The following HECW2 variants were observed in gnomAD, a reference collection of about 807,000 sequenced individuals.
HECW2 encodes the protein E3 ubiquitin-protein ligase HECW2.
A neutral mutation model predicts 175.2 loss-of-function variants in HECW2; 61 were observed. The ratio of observed to expected loss-of-function variants is 0.35; its 90% CI spans 0.28 to 0.43. The LOEUF (loss-of-function observed/expected upper bound fraction) is 0.43, where lower values mean the gene tolerates loss of function less well. Among genes scored for constraint, HECW2 ranks in the 20% least tolerant of loss-of-function variants. The probability of loss-of-function intolerance (pLI) is 1.00; values close to 1 mark genes in which losing one functional copy is unlikely to be tolerated. For synonymous variants in HECW2, 671 were observed against 731.0 expected (o/e 0.92, Z 1.32); for missense variants, 1,524 against 2,000.5 (o/e 0.76, Z 4.54).
chr2:196,464,573 AAAC>A (rs1696873947), intron 1 of HECW2, among the ~76,000 whole-genome samples: 1 of 152,228 alleles, frequency 6.6e-6, no homozygotes, highest in South Asian at 2.1e-4. Flanking sequence ...AGGATTTTAC[AAAC>A]AAGAGGCAAA....
At chr2:196,592,764 G>A (rs1376327218) in intron 1 of HECW2, 4 of 151,958 alleles carry the variant, frequency 2.6e-5, no homozygotes, top group African/African-American at 9.7e-5. Context: ...CGAGGGCCGC[G>A]CGCTCACCTG....
chr2:196,443,795 C>T (rs751933878), intron 1 of HECW2, among the ~76,000 whole-genome samples: 18 of 152,166 alleles, frequency 1.2e-4, no homozygotes, highest in Non-Finnish European at 2.5e-4. Flanking sequence ...TTTGGGAGGC[C>T]GAGGTGGGCA....
intron 1 of HECW2, among the ~76,000 whole-genome samples, chr2:196,544,510 A>T: frequency 6.6e-6 from 1 of 152,260 alleles, no homozygotes; most frequent in Non-Finnish European, 1.5e-5. Flanking sequence ...GTTGGGGGGC[A>T]CTGGAAGGTC....
intron 1 of HECW2, among the ~76,000 whole-genome samples, chr2:196,490,034 C>A (rs1687132003): frequency 6.6e-6 from 1 of 152,190 alleles, no homozygotes; most frequent in African/African-American, 2.4e-5. Flanking sequence ...ATGACCACTG[C>A]AAAGCAAGAG....
Position 196,528,349 on chromosome 2 carries a change from G to A in HECW2, c.-36+65159C>T, listed in dbSNP as rs577922642. Among the ~76,000 whole-genome samples the A allele has an allele frequency of 6.6e-5, 10 of 152,290 alleles. 1 individual carries two copies. The highest frequency in any genetic ancestry group is 6.5e-4 in the Admixed American group (10 of 15,302). On this transcript the variant is annotated intron_variant, in intron 1 of 28. Coordinates refer to ENST00000644978, the MANE Select transcript of HECW2 (RefSeq NM_001348768.2). ...TGACTAGTGGAAAGCAGAGTCAACTGTATTATTTTTAATTACGTATATTAA... is the reference window on the plus strand; with the variant it reads ...TGACTAGTGGAAAGCAGAGTCAACTATATTATTTTTAATTACGTATATTAA...
chr2:196,352,753 T>C (rs190170668), intron 2 of HECW2, among the ~76,000 whole-genome samples: 29 of 152,184 alleles, frequency 1.9e-4, no homozygotes, highest in African/African-American at 5.8e-4. Flanking sequence ...ATAAAAACAA[T>C]TGGTCCTAAA....
chr2:196,551,590 A>C (rs1001378553), intron 1 of HECW2, among the ~76,000 whole-genome samples: 1 of 152,186 alleles, frequency 6.6e-6, no homozygotes. Flanking sequence ...GCTTCTTTAT[A>C]CTGGTATAAT....
chr2:196,295,579 A>G (rs544518733), intron 13 of HECW2, among the ~76,000 whole-genome samples: 1 of 152,290 alleles, frequency 6.6e-6, no homozygotes, highest in East Asian at 1.9e-4. Context: ...TACATTACCC[A>G]TTGTTCTAAA....
intron 1 of HECW2, among the ~76,000 whole-genome samples, chr2:196,544,042 G>A (rs902004221): frequency 6.6e-6 from 1 of 152,192 alleles, no homozygotes; most frequent in Non-Finnish European, 1.5e-5. Flanking sequence ...GACTCTGCTA[G>A]GTAAAGGGGA....
chr2:196,518,464 T>C (rs1374844838), intron 1 of HECW2, among the ~76,000 whole-genome samples: 1 of 151,908 alleles, frequency 6.6e-6, no homozygotes, highest in East Asian at 1.9e-4. Flanking sequence ...GAGACCAGCC[T>C]GGTCAACATC....
intron 13 of HECW2, among the ~76,000 whole-genome samples, chr2:196,295,430 G>C (rs893726776): frequency 2.6e-5 from 4 of 152,202 alleles, no homozygotes; most frequent in African/African-American, 9.6e-5. Flanking sequence ...ATAAGTCATT[G>C]CAAGTTAGAG....
intron 23 of HECW2, among the ~76,000 whole-genome samples, chr2:196,222,626 C>T (rs2105822398): frequency 6.6e-6 from 1 of 152,250 alleles, no homozygotes; most frequent in East Asian, 1.9e-4. Flanking sequence ...AGAATGAGTG[C>T]CATCTGCGCA....
At chr2:196,232,425 C>T (rs2105853532) in intron 21 of HECW2, among the ~76,000 whole-genome samples, 1 of 152,270 alleles carries the variant, frequency 6.6e-6, no homozygotes, top group South Asian at 2.1e-4. Context: ...TATATCTGTA[C>T]CTAGCCTGAT....
chr2:196,553,095 A>G (rs1298856375), intron 1 of HECW2, among the ~76,000 whole-genome samples: 2 of 152,272 alleles, frequency 1.3e-5, no homozygotes, highest in Non-Finnish European at 2.9e-5. Context: ...GTGTTTTACT[A>G]TAACTGCTTT....
intron 1 of HECW2, among the ~76,000 whole-genome samples, chr2:196,440,913 A>T (rs897515986): frequency 1.6e-4 from 24 of 152,124 alleles, no homozygotes; most frequent in African/African-American, 4.8e-4. Context: ...TAAAAAATTA[A>T]AAAAAACCCT....
chr2:196,558,497 C>T (rs1388083941), intron 1 of HECW2, among the ~76,000 whole-genome samples: 1 of 152,202 alleles, frequency 6.6e-6, no homozygotes, highest in Non-Finnish European at 1.5e-5. Flanking sequence ...CAAAATGTTG[C>T]ATTTCATAGC....
At chr2:196,332,133 T>A (rs563383882) in intron 4 of HECW2, among the ~76,000 whole-genome samples, 3 of 147,282 alleles carry the variant, frequency 2.0e-5, no homozygotes, top group Non-Finnish European at 3.0e-5. Flanking sequence ...CGCAATAGGA[T>A]ACGTGAGAAA....
intron 14 of HECW2, among the ~76,000 whole-genome samples, chr2:196,279,088 A>G (rs1286680703): frequency 6.6e-6 from 1 of 151,914 alleles, no homozygotes; most frequent in Non-Finnish European, 1.5e-5. Context: ...TCGCTCTGTC[A>G]CCCAGGCTGG....
At chr2:196,242,525 C>G (rs1688496066) in intron 19 of HECW2, 1 of 274,602 alleles carries the variant, frequency 3.6e-6, no homozygotes, top group Non-Finnish European at 7.0e-6. Context: ...CTAGTAGTAA[C>G]TGTTAGGATG....
Sources: allele counts gnomAD v4.1 joint callset (sites outside exome capture counted in the v4.1 genomes callset), GRCh38; gene constraint gnomAD v4.1.1; transcripts MANE v1.5; gene names NCBI Gene and HGNC (gene_info 2026-07-23, HGNC 2026-07-21).